Variants in ATP5MC1 observed in about 807,000 individuals in gnomAD.
ATP5MC1 encodes ATP synthase membrane subunit c locus 1, also known as ATP synthase F(0) complex subunit C1, mitochondrial.
In ATP5MC1, 4 loss-of-function variants were observed where a neutral mutation model predicts 12.1. The observed-to-expected ratio is 0.33, with a 90% confidence interval of 0.16 to 0.76. ATP5MC1 has a LOEUF of 0.76. Among genes scored for constraint, ATP5MC1 ranks in the 30% least tolerant of loss-of-function variants. The probability of loss-of-function intolerance (pLI) is 0.61; values close to 1 mark genes in which losing one functional copy is unlikely to be tolerated. For synonymous variants in ATP5MC1, 52 were observed against 66.0 expected, an observed-to-expected ratio of 0.79 and a Z score of 1.03; for missense variants, 117 against 172.1, an observed-to-expected ratio of 0.68 and a Z score of 1.79.
In ATP5MC1 at chr17:48,895,648, C is replaced by T; in HGVS notation, c.297-7C>T. ...CCTCAACTGGCAATGATCTCTGTCC[C>T]TCCCAGGAACCCGTCTCTCAAGCAG... On this transcript the variant is annotated splice_polypyrimidine_tract_variant and splice_region_variant and intron_variant, in intron 4 of 4. Coordinates refer to ENST00000393366, the MANE Select transcript of ATP5MC1 (RefSeq NM_005175.3). 1 of 1,613,124 alleles carries T rather than the reference C, an allele frequency of 6.2e-7. No homozygotes were observed.
intron 3 of ATP5MC1, 56 bp from the exon 4 acceptor site, chr17:48,895,100 T>A (rs573011155): frequency 4.9e-5 from 77 of 1,565,070 alleles, no homozygotes; most frequent in Admixed American, 2.8e-4. Context: ...GTCAGCCACC[T>A]GTCCTTATGC....
intron 4 of ATP5MC1, 156 bp downstream of exon 4, chr17:48,895,490 C>T: frequency 3.0e-6 from 4 of 1,353,480 alleles, no homozygotes; most frequent in Non-Finnish European, 4.1e-6. Context: ...CTCACTTAAA[C>T]TTACCAGGTT....
chr17:48,895,104 C>T lies in ATP5MC1; in HGVS notation c.118-52C>T, dbSNP rs187761226. The T allele has an allele frequency of 6.4e-6, 10 of 1,561,050 alleles. No homozygotes were observed. The African/African-American group carries it at 1.4e-4, about 21-fold the overall frequency. ...AAGGAGGTAGAGTCAGCCACCTGTCCTTATGCCATACTATCTCTCTGCTAT... is the reference window on the plus strand; with the variant it reads ...AAGGAGGTAGAGTCAGCCACCTGTCTTTATGCCATACTATCTCTCTGCTAT... On this transcript the variant is annotated intron_variant, in intron 3 of 4. Transcript: ENST00000393366.
chr17:48,895,588 T>A, intron 4 of ATP5MC1, 67 bp from the exon 5 acceptor site: 1 of 1,432,332 alleles, frequency 7.0e-7, no homozygotes, highest in South Asian at 1.1e-5. Context: ...CACCTCACCC[T>A]CCTGTGTCCT....
chr17:48,895,574 C>T (rs967091544), intron 4 of ATP5MC1, 81 bp from the exon 5 acceptor site: 4 of 1,370,008 alleles, frequency 2.9e-6, no homozygotes, highest in African/African-American at 2.9e-5. Flanking sequence ...TAACAGTCCC[C>T]ATTCACCTCA....
rs777379068 is a variant in ATP5MC1 at position 48,895,789 on chromosome 17, C to T, written c.*20C>T. 49 of 1,590,170 alleles carry T rather than the reference C, an allele frequency of 3.1e-5. 1 individual carries two copies. The East Asian group carries it at 7.8e-4, about 25-fold the overall frequency. On this transcript the variant is annotated 3_prime_UTR_variant, in exon 5 of 5. Transcript: ENST00000393366. ...ATGTGAGGCTCCATGGGGGGGTCACCGGCCTGTTGCTACTGCAACTCCACA... is the reference window on the plus strand; with the variant it reads ...ATGTGAGGCTCCATGGGGGGGTCACTGGCCTGTTGCTACTGCAACTCCACA...
chr17:48,893,047 T>A (rs1164859632), intron 1 of ATP5MC1, 137 bp downstream of exon 1: 1 of 292,054 alleles, frequency 3.4e-6, no homozygotes, highest in Non-Finnish European at 6.5e-6. Flanking sequence ...CCAACGGTAA[T>A]GAACGATTGA....
chr17:48,895,511 G>T (rs2040564712), intron 4 of ATP5MC1, 144 bp from the exon 5 acceptor site: 8 of 1,271,826 alleles, frequency 6.3e-6, no homozygotes, highest in East Asian at 2.3e-5. Context: ...GGCCCACTCT[G>T]CTTGTCCATC....
intron 1 of ATP5MC1, 161 bp from the exon 2 acceptor site, chr17:48,893,248 C>T: frequency 1.5e-6 from 1 of 656,354 alleles, no homozygotes; most frequent in South Asian, 2.0e-5. Flanking sequence ...CTGCTCTGTC[C>T]CTCTGACCTC....
chr17:48,895,079 A>G, intron 3 of ATP5MC1, 77 bp from the exon 4 acceptor site: 1 of 1,536,634 alleles, frequency 6.5e-7, no homozygotes, highest in Non-Finnish European at 8.9e-7. Flanking sequence ...GGGTGGGGTG[A>G]AGGAGGTAGA....
Position 48,895,176 on chromosome 17 carries a change from A to G in ATP5MC1, c.138A>G (p.Pro46=). Residue 46 remains proline (P), a synonymous_variant, in exon 4 of 5, where the codon CCA becomes CCG. Transcript: ENST00000393366. ...SSKQPSYSNF[P]LQVARREFQT... is the part of the protein sequence containing the mutation. ...TCTAGCCTTCCTACAGCAACTTCCC[A>G]CTCCAGGTGGCCAGACGGGAGTTCC... 1 of 1,605,046 alleles carries G rather than the reference A, an allele frequency of 6.2e-7. No homozygotes were observed. The highest frequency in any genetic ancestry group is 2.2e-5 in the East Asian group (1 of 44,586).
Position 48,893,578 on chromosome 17 carries a change from T to C in ATP5MC1, c.39+122T>C. The C allele has an allele frequency of 2.6e-6, 3 of 1,134,664 alleles. No individual in the cohort carries two copies. The South Asian group carries it at 3.9e-5, about 15-fold the overall frequency. The allele number at this position is 1,134,664 out of a possible 1,614,324, so 70.3% of individuals were successfully genotyped here. The stretch of plus-strand genomic sequence containing the variant: ...TGATGTAGGCTCTTTGAGGTGGCTG[T>C]AGGATGTGATGAAGGTAACCCCTGT... On this transcript the variant is annotated intron_variant, in intron 2 of 4. Coordinates refer to ENST00000393366, the MANE Select transcript of ATP5MC1 (RefSeq NM_005175.3).
chr17:48,893,584 G>A, intron 2 of ATP5MC1, 128 bp downstream of exon 2: 2 of 1,063,480 alleles, frequency 1.9e-6, no homozygotes, highest in Non-Finnish European at 2.8e-6. Context: ...GCTGTAGGAT[G>A]TGATGAAGGT....
Position 48,895,762 on chromosome 17 carries a change from C to T in ATP5MC1, c.404C>T (p.Ala135Val). Residue 135 changes from alanine to valine, a missense_variant, in exon 5 of 5, where the codon GCC becomes GTC. Transcript: ENST00000393366. ...ATGGTCGCCTTCCTCATCCTCTTCGCCATGTGAGGCTCCATGGGGGGGTCA... is the reference window on the plus strand; with the variant it reads ...ATGGTCGCCTTCCTCATCCTCTTCGTCATGTGAGGCTCCATGGGGGGGTCA... ...CLMVAFLILF[A>V]M 1 of 1,526,072 alleles carries T rather than the reference C, an allele frequency of 6.6e-7. No individual in the cohort carries two copies. The highest frequency in any genetic ancestry group is 8.7e-7 in the Non-Finnish European group (1 of 1,144,266). The allele number at this position is 1,526,072 out of a possible 1,614,324, so 94.5% of individuals were successfully genotyped here. A position where few individuals can be genotyped will look rare whatever the true frequency, so the allele number is the denominator to read the frequency against.
At chr17:48,895,535 T>G in intron 4 of ATP5MC1, 120 bp from the exon 5 acceptor site, 1 of 1,283,818 alleles carries the variant, frequency 7.8e-7, no homozygotes, top group Non-Finnish European at 1.1e-6. Context: ...ATCCCCAGGA[T>G]CTGTGCAGGC....
At chr17:48,894,877 A>C in intron 3 of ATP5MC1, 2 of 594,056 alleles carry the variant, frequency 3.4e-6, no homozygotes, top group Non-Finnish European at 3.2e-6. Flanking sequence ...TGTATGCTTT[A>C]ATAGTTCTAA....
intron 2 of ATP5MC1, 183 bp from the exon 3 acceptor site, chr17:48,894,189 A>G (rs2040552552): frequency 1.7e-6 from 1 of 595,382 alleles, no homozygotes; most frequent in Non-Finnish European, 3.0e-6. Flanking sequence ...ACTGCTGACT[A>G]TATCAAGCTA....
Position 48,893,760 on chromosome 17 carries a change from T to G in ATP5MC1, c.39+304T>G, listed in dbSNP as rs556333388. 132 of 475,122 alleles carry G rather than the reference T, an allele frequency of 2.8e-4. 2 individuals carry two copies. In the South Asian group the frequency reaches 3.5e-3, roughly 13 times the overall value. The allele number at this position is 475,122 out of a possible 1,614,324, so 29.4% of individuals were successfully genotyped here. On this transcript the variant is annotated intron_variant, in intron 2 of 4. Coordinates refer to ENST00000393366, the MANE Select transcript of ATP5MC1 (RefSeq NM_005175.3). ...ACGTTAGAATCATCCAGGGAACTTT[T>G]TAAAATCCTGATGCCTAGGCTGCAC... is the stretch of plus-strand genomic sequence containing the variant.
chr17:48,893,815 TG>T, intron 2 of ATP5MC1: 1 of 302,286 alleles, frequency 3.3e-6, no homozygotes, highest in African/African-American at 2.2e-5. Flanking sequence ...ACTTTGGGAA[TG>T]GGGGTGGAAC....
Sources: allele counts gnomAD v4.1 joint callset, GRCh38; gene constraint gnomAD v4.1.1; transcripts MANE v1.5; gene names NCBI Gene and HGNC (gene_info 2026-07-23, HGNC 2026-07-21).